Variants in RBL2 observed in about 807,000 individuals in gnomAD.
RBL2 encodes RB transcriptional corepressor like 2, also known as retinoblastoma-like protein 2.
Under a neutral mutation model 126.0 loss-of-function variants are expected in RBL2, and 56 were observed. The ratio of observed to expected loss-of-function variants is 0.44; its 90% CI spans 0.36 to 0.56. RBL2 has a LOEUF of 0.56. RBL2 is among the 20% of genes least tolerant of loss of function. RBL2 has a pLI of 0.00. For synonymous variants in RBL2, 454 were observed against 478.5 expected (o/e 0.95, Z 0.67); for missense variants, 1,229 against 1,398.2 (o/e 0.88, Z 1.93).
intron 7 of RBL2, 185 bp from the exon 8 acceptor site, chr16:53,454,471 G>T: frequency 1.8e-6 from 1 of 552,218 alleles, no homozygotes; most frequent in Middle Eastern, 5.2e-4. Context: ...CCAAAGTGCT[G>T]GGATTACAGA....
chr16:53,480,825 A>G (rs763955322), intron 20 of RBL2, 56 bp downstream of exon 20: 36 of 1,519,994 alleles, frequency 2.4e-5, no homozygotes, highest in Non-Finnish European at 3.2e-5. Context: ...TTGAGGAATC[A>G]TTTATGATTT....
chr16:53,474,853 T>G (rs1960667645), intron 17 of RBL2, among the ~76,000 whole-genome samples: 1 of 152,180 alleles, frequency 6.6e-6, no homozygotes, highest in African/African-American at 2.4e-5. Flanking sequence ...TTCTCTTCTA[T>G]ATTTAGGTAT....
At position 53,456,519 on chromosome 16, in the gene RBL2, A is replaced by T. The variant is rs1050043273; in HGVS notation, c.1179+1677A>T. ...ACCGAGGGTTTGTATCTAGGGTATG[A>T]GAAAAAGAGAACAGTGATGTCTCCA... On this transcript the variant is annotated intron_variant, in intron 8 of 21. Coordinates refer to ENST00000262133, the MANE Select transcript of RBL2 (RefSeq NM_005611.4). Among the ~76,000 whole-genome samples the T allele has an allele frequency of 3.9e-5, 6 of 152,330 alleles. No homozygotes were observed. In the South Asian group the frequency reaches 1.2e-3, roughly 32 times the overall value.
intron 4 of RBL2, chr16:53,448,600 C>T (rs1396512308): frequency 6.6e-6 from 1 of 152,422 alleles, no homozygotes; most frequent in South Asian, 2.1e-4. Flanking sequence ...TCTTGTGGCT[C>T]AGCCTCTTGA....
chr16:53,442,731 A>G lies in RBL2; in HGVS notation c.445A>G (p.Thr149Ala). ...TCTACCCCCACATTTCAGAGAACGT[A>G]CTGAGAGATTAGAAAGAAACTTCAC... ...ANLPPHFRER[T>A]ERLERNFTVS... Residue 149 changes from threonine to alanine, a missense_variant, in exon 3 of 22, where the codon ACT becomes GCT. By Grantham distance (58) the Thr-to-Ala change is moderately conservative (BLOSUM62 0). Coordinates refer to ENST00000262133, the MANE Select transcript of RBL2 (RefSeq NM_005611.4). 2 of 1,613,766 alleles carry G rather than the reference A, an allele frequency of 1.2e-6. No homozygotes were observed. The highest frequency in any genetic ancestry group is 2.2e-5 in the South Asian group (2 of 91,062).
At chr16:53,474,195 T>G (rs890296976) in intron 17 of RBL2, among the ~76,000 whole-genome samples, 1 of 152,198 alleles carries the variant, frequency 6.6e-6, no homozygotes, top group Non-Finnish European at 1.5e-5. Context: ...TCTACCTTGT[T>G]GCACAGGCTG....
Position 53,442,845 on chromosome 16 carries a change from G to C in RBL2, c.559G>C (p.Gly187Arg). Reference protein sequence around the residue: ...PQEEQPRQQRGRKQRRQPCTV... With the variant: ...PQEEQPRQQRRRKQRRQPCTV... ...AGAGGAGCAACCTCGTCAGCAGCGA[G>C]GAAGGAAACAGCGGTAGGTTTTCTT... Residue 187 changes from glycine (G) to arginine (R), a missense_variant, in exon 3 of 22, where the codon GGA (glycine) becomes CGA (arginine). This residue lies in a region of RBL2 where 1,070 missense variants were observed against 1,274.3 expected (regional missense o/e 0.84). Coordinates refer to ENST00000262133, the MANE Select transcript of RBL2 (RefSeq NM_005611.4). 6.2e-7 allele frequency: 1 copy of C among 1,611,498 alleles called. No homozygotes were observed. The highest frequency in any genetic ancestry group is 8.5e-7 in the Non-Finnish European group (1 of 1,178,324).
chr16:53,453,830 A>C, intron 7 of RBL2, 61 bp downstream of exon 7: 2 of 1,391,390 alleles, frequency 1.4e-6, no homozygotes, highest in East Asian at 4.8e-5. Context: ...AAACTTCAGA[A>C]GTTAGTGTTT....
chr16:53,483,808 C>G (rs1322704180), intron 21 of RBL2, among the ~76,000 whole-genome samples: 2 of 150,234 alleles, frequency 1.3e-5, no homozygotes, highest in Non-Finnish European at 3.0e-5. Flanking sequence ...ATCCCGGAGG[C>G]AAAGTTTGCA....
In RBL2 at chr16:53,454,683, G is replaced by A; in HGVS notation, c.1020G>A (p.Glu340=). 1 of 1,613,814 alleles carries A rather than the reference G, an allele frequency of 6.2e-7. No homozygotes were observed. The highest frequency in any genetic ancestry group is 8.5e-7 in the Non-Finnish European group (1 of 1,179,710). ...SFKAINKAYE[E]YVLSVGNLDE... ...AAGCCATCAATAAGGCCTATGAGGA[G>A]TATGTTTTATCTGTTGGGAATTTAG... The change falls in exon 8 of 22, where the codon GAG becomes GAA. Residue 340 remains glutamate (E), a synonymous_variant. Transcript: ENST00000262133.
At position 53,453,706 on chromosome 16, in the gene RBL2, T is replaced by A; in HGVS notation, c.929T>A (p.Leu310His). The A allele has an allele frequency of 6.2e-7, 1 of 1,609,838 alleles. No individual in the cohort carries two copies. Among genetic ancestry groups the A allele is most frequent in the Non-Finnish European group, 8.5e-7 (1 of 1,178,608 alleles). The change falls in exon 7 of 22, where the codon CTC (leucine) becomes CAC (histidine). Residue 310 changes from leucine (L) to histidine (H), a missense_variant and splice_region_variant. By Grantham distance (99) the Leu-to-His change is moderately conservative. Transcript: ENST00000262133. ...TAAGGATCTCTTCTTTCATCATAGCTCCTTAAGGGAAAAGAAGAAAATCTC... is the reference window on the plus strand; with the variant it reads ...TAAGGATCTCTTCTTTCATCATAGCACCTTAAGGGAAAAGAAGAAAATCTC... ...PYIRKLYEKKLLKGKEENLTG... is the reference protein window; with the variant it reads ...PYIRKLYEKKHLKGKEENLTG...
intron 14 of RBL2, among the ~76,000 whole-genome samples, chr16:53,468,466 A>G (rs1212895958): frequency 1.3e-5 from 2 of 152,198 alleles, no homozygotes; most frequent in Non-Finnish European, 2.9e-5. Context: ...AAGATCTGAC[A>G]GCTGGTCTTT....
At chr16:53,469,210 A>G (rs1274445062) in intron 14 of RBL2, among the ~76,000 whole-genome samples, 1 of 152,238 alleles carries the variant, frequency 6.6e-6, no homozygotes, top group Non-Finnish European at 1.5e-5. Context: ...AGCCTGGGTG[A>G]TAGAGTAAGA....
At chr16:53,446,399 G>A (rs13336894) in intron 3 of RBL2, among the ~76,000 whole-genome samples, 7,919 of 152,168 alleles carry the variant, frequency 0.052, 618 homozygotes, top group African/African-American at 0.17. Flanking sequence ...ACGGAATTTC[G>A]TTCTTCTGGG....
intron 17 of RBL2, among the ~76,000 whole-genome samples, chr16:53,477,727 G>GC (rs1442248989): frequency 6.6e-6 from 1 of 152,036 alleles, no homozygotes; most frequent in Non-Finnish European, 1.5e-5. Flanking sequence ...CTTTGCTCCT[G>GC]CCTACCTCCT....
intron 4 of RBL2, among the ~76,000 whole-genome samples, chr16:53,450,533 A>G (rs1364189243): frequency 2.0e-5 from 3 of 152,244 alleles, no homozygotes; most frequent in Non-Finnish European, 2.9e-5. Context: ...GAAGTTATAA[A>G]ATAACTAGAA....
intron 1 of RBL2, 99 bp downstream of exon 1, chr16:53,434,895 G>A: frequency 7.2e-7 from 1 of 1,389,228 alleles, no homozygotes; most frequent in Admixed American, 3.1e-5. Context: ...GGCGGGTTGC[G>A]GGCTCCCAGC....
intron 1 of RBL2, among the ~76,000 whole-genome samples, chr16:53,436,657 A>G (rs1289915102): frequency 1.3e-5 from 2 of 152,302 alleles, no homozygotes; most frequent in East Asian, 3.9e-4. Context: ...TGGTTATGGA[A>G]TTTTAACTTG....
At position 53,468,374 on chromosome 16, in the gene RBL2, ACCCCCAACC is replaced by A. The variant is rs372631361; in HGVS notation, c.1975+1213_1975+1221del. On this transcript the variant is annotated intron_variant, in intron 14 of 21. Coordinates refer to ENST00000262133, the MANE Select transcript of RBL2 (RefSeq NM_005611.4). Reference sequence around the variant, plus strand: ...GGCAACATAGCAAGATACCATCTCTACCCCCAACCCCCCCAAAAAAATCACTCTAAGTGT... The same window carrying A: ...GGCAACATAGCAAGATACCATCTCTACCCCCAAAAAAATCACTCTAAGTGT... Among the ~76,000 whole-genome samples the A allele has an allele frequency of 2.4e-3, 372 of 152,042 alleles. 1 individual carries two copies. Among genetic ancestry groups the A allele is most frequent in the African/African-American group, 8.5e-3 (351 of 41,472 alleles).
Sources: gnomAD v4.1 joint callset for allele counts (sites outside exome capture counted in the v4.1 genomes callset) on GRCh38, gnomAD v4.1.1 for gene constraint, gnomAD v4.1.1 regional missense constraint, MANE v1.5 for transcripts, NCBI Gene and HGNC (gene_info 2026-07-23, HGNC 2026-07-21) for gene names.